PRPF8: variants seen among roughly 807,000 people sequenced by gnomAD.
PRPF8 encodes pre-mRNA processing factor 8.
In PRPF8, 64 loss-of-function variants were observed where a neutral mutation model predicts 285.9. The observed-to-expected ratio is 0.22, with a 90% CI of 0.18 to 0.28. PRPF8 has a LOEUF of 0.28. Among genes scored for constraint, PRPF8 ranks in the 10% least tolerant of loss-of-function variants. The pLI is 1.00. For missense variants in PRPF8, 1,426 were observed against 3,026.7 expected (o/e 0.47, Z 12.41); for synonymous variants, 1,325 against 1,118.2 (o/e 1.18, Z -3.69).
Position 1,671,092 on chromosome 17 carries a change from A to C in PRPF8, c.3774+1989T>G, listed in dbSNP as rs550430463. Among the ~76,000 whole-genome samples the C allele has an allele frequency of 2.6e-4, 39 of 152,244 alleles. No homozygotes were observed. The South Asian group carries it at 7.7e-3, about 30-fold the overall frequency. On this transcript the variant is annotated intron_variant, in intron 24 of 42. Coordinates refer to ENST00000304992, the MANE Select transcript of PRPF8 (RefSeq NM_006445.4). ...CATTCCCAATTCCACAATTTACTCC[A>C]GCAAACCTTGAACTTTCCATGGTCC...
rs1261458856 is a variant in PRPF8 at position 1,673,456 on chromosome 17, C to T, written c.3558G>A (p.Leu1186=). The T allele has an allele frequency of 6.2e-7, 1 of 1,614,092 alleles. No individual in the cohort carries two copies. Among genetic ancestry groups the T allele is most frequent in the East Asian group, 2.2e-5 (1 of 44,904 alleles). ...SVYSKDNPNL[L]FNMCGFECRI... Reference sequence around the variant, plus strand: ...GGCACTCGAAGCCACACATGTTGAACAGCAGGTTGGGGTTGTCCTTACTGT... The same window carrying T: ...GGCACTCGAAGCCACACATGTTGAATAGCAGGTTGGGGTTGTCCTTACTGT... Residue 1186 remains leucine (L), a synonymous_variant, in exon 23 of 43, where the codon CTG becomes CTA. Coordinates refer to ENST00000304992, the MANE Select transcript of PRPF8 (RefSeq NM_006445.4). The surrounding 1 kb of genome is among the most constrained non-coding windows in gnomAD (Gnocchi z 5.5).
intron 20 of PRPF8, 73 bp from the exon 21 acceptor site, chr17:1,674,753 T>C: frequency 6.8e-7 from 1 of 1,475,332 alleles, no homozygotes; most frequent in South Asian, 1.1e-5. Flanking sequence ...ACCTCTTTTG[T>C]TCTCCCCTCA....
rs1326126091 is a variant in PRPF8, at chr17:1,651,871, C to A, written c.6370-83G>T. ...CTGCCAGCCCTCTGTTTCCTTCCTT[C>A]CCCCAAGAACGAGGACAGAGTTTCT... is the stretch of plus-strand genomic sequence containing the variant. On this transcript the variant is annotated intron_variant, in intron 39 of 42. Transcript: ENST00000304992. This position sits in a 1 kb window ranked among gnomAD's most constrained non-coding sequence, Gnocchi z 5.1. 1.7e-5 allele frequency: 26 copies of A among 1,512,214 alleles called. No homozygotes were observed. The highest frequency in any genetic ancestry group is 2.2e-5 in the Non-Finnish European group (24 of 1,092,550). 93.7% of individuals were successfully genotyped at this position (1,512,214 alleles called of 1,614,324 possible). A position where few individuals can be genotyped will look rare whatever the true frequency, so the allele number is the denominator to read the frequency against.
intron 24 of PRPF8, among the ~76,000 whole-genome samples, chr17:1,667,491 C>T (rs1335142381): frequency 1.4e-5 from 2 of 143,680 alleles, no homozygotes; most frequent in Non-Finnish European, 3.0e-5. Context: ...TGTTATACCT[C>T]TTATGTCTTC....
intron 29 of PRPF8, 21 bp from the exon 30 acceptor site, chr17:1,660,599 T>TG: frequency 6.2e-7 from 1 of 1,614,200 alleles, no homozygotes; most frequent in South Asian, 1.1e-5. Flanking sequence ...AACGACAATG[T>TG]GACATTAGAG....
chr17:1,658,660 G>T lies in PRPF8; in HGVS notation c.5242C>A (p.Arg1748Ser). The change falls in exon 33 of 43, where the codon CGC becomes AGC. Residue 1748 changes from arginine (R) to serine (S), a missense_variant. This residue lies in a region of PRPF8 where 74 missense variants were observed against 161.8 expected (regional missense o/e 0.46). Coordinates refer to ENST00000304992, the MANE Select transcript of PRPF8 (RefSeq NM_006445.4). The surrounding 1 kb of genome is among the most constrained non-coding windows in gnomAD (Gnocchi z 4.1). ...GATGAATAGAGCTGTAGCCCCTTGC[G>T]GATCCGTTCACGTAACACATACAGG... Reference protein sequence around the residue: ...PALYVLRERIRKGLQLYSSEP... With the variant: ...PALYVLRERISKGLQLYSSEP... 1 of 1,614,202 alleles carries T rather than the reference G, an allele frequency of 6.2e-7. No homozygotes were observed. Among genetic ancestry groups the T allele is most frequent in the Non-Finnish European group, 8.5e-7 (1 of 1,180,044 alleles).
chr17:1,681,334 G>C, intron 6 of PRPF8, 144 bp downstream of exon 6: 1 of 1,079,864 alleles, frequency 9.3e-7, no homozygotes, highest in South Asian at 1.3e-5. Context: ...TCCTGCCTCA[G>C]CTTCCCAAAG....
intron 37 of PRPF8, 104 bp from the exon 38 acceptor site, chr17:1,654,120 C>T (rs1299873950): frequency 7.7e-5 from 119 of 1,538,954 alleles, no homozygotes; most frequent in Non-Finnish European, 1.0e-4. Context: ...CCTATACTCA[C>T]GCCCCAGACA....
Position 1,651,958 on chromosome 17 carries a change from C to T in PRPF8, c.6370-170G>A. On this transcript the variant is annotated intron_variant, in intron 39 of 42. Coordinates refer to ENST00000304992, the MANE Select transcript of PRPF8 (RefSeq NM_006445.4). The surrounding 1 kb of genome is among the most constrained non-coding windows in gnomAD (Gnocchi z 5.1). ...TGGGGTGCTTGTTCAAAATGTTAGACATGGACCTCATCGCGGACTTACCAC... is the reference window on the plus strand; with the variant it reads ...TGGGGTGCTTGTTCAAAATGTTAGATATGGACCTCATCGCGGACTTACCAC... 1 of 834,330 alleles carries T rather than the reference C, an allele frequency of 1.2e-6. No homozygotes were observed. Among genetic ancestry groups the T allele is most frequent in the Non-Finnish European group, 2.0e-6 (1 of 509,376 alleles). 51.7% of individuals were successfully genotyped at this position (834,330 alleles called of 1,614,324 possible).
chr17:1,678,971 G>A, intron 11 of PRPF8, 46 bp downstream of exon 11: 6 of 1,613,662 alleles, frequency 3.7e-6, no homozygotes, highest in Non-Finnish European at 5.1e-6. Context: ...GAAAACAACT[G>A]TCCGTCCTTG....
chr17:1,664,908 A>G (rs1439389200), intron 24 of PRPF8, among the ~76,000 whole-genome samples: 1 of 152,190 alleles, frequency 6.6e-6, no homozygotes, highest in Admixed American at 6.6e-5. Context: ...CTGTAAGCCC[A>G]GCACTTTGGG....
chr17:1,651,802 G>GCTT lies in PRPF8; in HGVS notation c.6370-15_6370-14insAAG. 6.2e-7 allele frequency: 1 copy of GCTT among 1,613,816 alleles called. No individual in the cohort carries two copies. Among genetic ancestry groups the GCTT allele is most frequent in the Non-Finnish European group, 8.5e-7 (1 of 1,179,848 alleles). ...GTATCCTGCAATCTGGAGACAAAGGGGTCAGGAACCAAAACTCTTCTTAGT... is the reference window on the plus strand; with the variant it reads ...GTATCCTGCAATCTGGAGACAAAGGGCTTGTCAGGAACCAAAACTCTTCTTAGT... On this transcript the variant is annotated splice_polypyrimidine_tract_variant and intron_variant, in intron 39 of 42. Coordinates refer to ENST00000304992, the MANE Select transcript of PRPF8 (RefSeq NM_006445.4). This position sits in a 1 kb window ranked among gnomAD's most constrained non-coding sequence, Gnocchi z 5.1.
Position 1,679,782 on chromosome 17 carries a change from C to T in PRPF8, c.1116G>A (p.Pro372=), listed in dbSNP as rs376645217. The T allele has an allele frequency of 4.6e-5, 75 of 1,614,066 alleles. No homozygotes were observed. The highest frequency in any genetic ancestry group is 1.8e-4 in the East Asian group (8 of 44,892). The change falls in exon 9 of 43, where the codon CCG becomes CCA. Residue 372 remains proline (P), a synonymous_variant. Transcript: ENST00000304992. This position sits in a 1 kb window ranked among gnomAD's most constrained non-coding sequence, Gnocchi z 4.7. ...GGAGCTCAAATTCCTCATCATCATCCGGCAATGGTTCCTGGCTCTGAAAAA... is the reference window on the plus strand; with the variant it reads ...GGAGCTCAAATTCCTCATCATCATCTGGCAATGGTTCCTGGCTCTGAAAAA... The part of the protein sequence containing the change: ...RHSVKSQEPL[P]DDDEEFELPE...
At position 1,683,618 on chromosome 17, in the gene PRPF8, G is replaced by C; in HGVS notation, c.184C>G (p.Pro62Ala). 1 of 1,614,106 alleles carries C rather than the reference G, an allele frequency of 6.2e-7. No individual in the cohort carries two copies. The highest frequency in any genetic ancestry group is 8.5e-7 in the Non-Finnish European group (1 of 1,180,014). The part of the protein sequence containing the change: ...GFVDAQKEDM[P>A]PEHVRKIIRD... Reference sequence around the variant, plus strand: ...ATGATCTTCCTGACATGTTCTGGGGGCATGTCTTCCTTCTGGGCATCCACA... The same window carrying C: ...ATGATCTTCCTGACATGTTCTGGGGCCATGTCTTCCTTCTGGGCATCCACA... Residue 62 changes from proline to alanine, a missense_variant, in exon 3 of 43, where the codon CCC (proline) becomes GCC (alanine). Physicochemically the swap from Pro to Ala is conservative, Grantham distance 27 (BLOSUM62 -1). Around this residue, in one of 34 missense-constraint regions of PRPF8, gnomAD observed 72 missense variants for 80.0 expected, o/e 0.90. Coordinates refer to ENST00000304992, the MANE Select transcript of PRPF8 (RefSeq NM_006445.4).
At chr17:1,655,572 G>C (rs374911857) in intron 36 of PRPF8, 29 bp from the exon 37 acceptor site, 6 of 1,570,592 alleles carry the variant, frequency 3.8e-6, no homozygotes, top group Non-Finnish European at 4.4e-6. Context: ...GAGTGGGGTA[G>C]GTCAGCTGCT....
intron 35 of PRPF8, 27 bp from the exon 36 acceptor site, chr17:1,656,592 G>A (rs761301511): frequency 1.4e-4 from 224 of 1,614,022 alleles, no homozygotes; most frequent in Non-Finnish European, 1.8e-4. Flanking sequence ...TCCAAGATGA[G>A]AAACAGCCTG....
At chr17:1,654,447 G>A (rs539452196) in intron 37 of PRPF8, 14 of 328,780 alleles carry the variant, frequency 4.3e-5, no homozygotes, top group African/African-American at 8.5e-5. Context: ...CAGCAGTCTC[G>A]GATACTTAGG....
chr17:1,678,977 C>A (rs571659754), intron 11 of PRPF8, 40 bp downstream of exon 11: 3 of 1,613,780 alleles, frequency 1.9e-6, no homozygotes, highest in South Asian at 1.1e-5. Context: ...AACTGTCCGT[C>A]CTTGAAGCCC....
At chr17:1,667,162 G>C (rs2151120657) in intron 24 of PRPF8, among the ~76,000 whole-genome samples, 2 of 145,886 alleles carry the variant, frequency 1.4e-5, no homozygotes, top group South Asian at 4.2e-4. Context: ...AATAGAGCAA[G>C]ACTCCCTCTC....
Sources: gnomAD v4.1 joint callset for allele counts (sites outside exome capture counted in the v4.1 genomes callset) on GRCh38, gnomAD v4.1.1 for gene constraint, gnomAD v4.1.1 regional missense constraint, Gnocchi (gnomAD v3.1) non-coding constraint, MANE v1.5 for transcripts, NCBI Gene and HGNC (gene_info 2026-07-23, HGNC 2026-07-21) for gene names.